ETV1: variants seen among roughly 807,000 people sequenced by gnomAD.
The protein encoded by ETV1 is ETS variant transcription factor 1.
In ETV1, 27 loss-of-function variants were observed where a neutral mutation model predicts 62.3. The observed-to-expected ratio is 0.43, with a 90% CI of 0.32 to 0.60. The LOEUF (loss-of-function observed/expected upper bound fraction) is 0.60, where lower values mean the gene tolerates loss of function less well. ETV1 is among the 20% of genes least tolerant of loss of function. The pLI, the probability that ETV1 is intolerant of heterozygous loss-of-function variation, is 0.06. For missense variants in ETV1, 605 were observed against 605.8 expected (o/e 1.00, Z 0.01); for synonymous variants, 222 against 199.6 (o/e 1.11, Z -0.94).
intron 6 of ETV1, among the ~76,000 whole-genome samples, chr7:13,973,165 A>G (rs1213056683): frequency 6.6e-6 from 1 of 152,216 alleles, no homozygotes; most frequent in East Asian, 1.9e-4. Context: ...TGCATGTTCT[A>G]TAATCCAGTA....
At chr7:13,979,448 T>A (rs1427744710) in intron 5 of ETV1, among the ~76,000 whole-genome samples, 1 of 150,008 alleles carries the variant, frequency 6.7e-6, no homozygotes, top group South Asian at 2.1e-4. Flanking sequence ...CAACATATTT[T>A]TTTGACACTG....
At chr7:13,923,389 C>T (rs1015362769) in intron 9 of ETV1, among the ~76,000 whole-genome samples, 8 of 152,118 alleles carry the variant, frequency 5.3e-5, no homozygotes, top group African/African-American at 1.9e-4. Flanking sequence ...ATAACATTTA[C>T]AATATAAAAA....
At chr7:13,921,365 A>G (rs1784828609) in intron 9 of ETV1, among the ~76,000 whole-genome samples, 1 of 152,218 alleles carries the variant, frequency 6.6e-6, no homozygotes, top group Admixed American at 6.5e-5. Context: ...GAAGCAATAT[A>G]TAAGCAATTA....
chr7:13,954,891 A>G (rs1404919137), intron 6 of ETV1, among the ~76,000 whole-genome samples: 1 of 152,216 alleles, frequency 6.6e-6, no homozygotes, highest in Non-Finnish European at 1.5e-5. Flanking sequence ...TTTGCCCAAA[A>G]AAAGAAAGCC....
chr7:13,911,168 T>A (rs1261070766), intron 10 of ETV1, 71 bp downstream of exon 10: 9 of 999,038 alleles, frequency 9.0e-6, no homozygotes, highest in Non-Finnish European at 9.4e-6. Context: ...ATTAATTAAA[T>A]GACGTCATAT....
chr7:13,958,355 C>A (rs896389375), intron 6 of ETV1, among the ~76,000 whole-genome samples: 3 of 152,160 alleles, frequency 2.0e-5, no homozygotes, highest in African/African-American at 7.2e-5. Context: ...TATCAAACTT[C>A]ATTCCCATTG....
rs1003334329 is a variant in ETV1 at position 13,986,496 on chromosome 7, G to C, written c.181+142C>G. 1.4e-5 allele frequency: 21 copies of C among 1,520,520 alleles called. No homozygotes were observed. In the African/African-American group the frequency reaches 2.3e-4, roughly 16 times the overall value. 94.2% of individuals were successfully genotyped at this position (1,520,520 alleles called of 1,614,324 possible). A position where few individuals can be genotyped will look rare whatever the true frequency, so the allele number is the denominator to read the frequency against. Reference sequence around the variant, plus strand: ...GTCCCCAAAGACAAACTCATCAGAGGCTCTAATGTATGCATGACACATGAG... The same window carrying C: ...GTCCCCAAAGACAAACTCATCAGAGCCTCTAATGTATGCATGACACATGAG... On this transcript the variant is annotated intron_variant, in intron 5 of 13. Coordinates refer to ENST00000430479, the MANE Select transcript of ETV1 (RefSeq NM_004956.5).
intron 6 of ETV1, among the ~76,000 whole-genome samples, chr7:13,976,502 T>C (rs1781469272): frequency 6.6e-6 from 1 of 152,180 alleles, no homozygotes; most frequent in Admixed American, 6.5e-5. Context: ...ACATAAATGC[T>C]GAAAACACTG....
intron 4 of ETV1, among the ~76,000 whole-genome samples, chr7:13,987,356 C>T (rs1321628978): frequency 6.6e-6 from 1 of 152,010 alleles, no homozygotes; most frequent in Non-Finnish European, 1.5e-5. Context: ...GAGGAAGTTT[C>T]AGAATTCAGT....
chr7:13,973,345 T>A (rs1781088261), intron 6 of ETV1, among the ~76,000 whole-genome samples: 4 of 152,190 alleles, frequency 2.6e-5, no homozygotes, highest in Admixed American at 2.6e-4. Context: ...ACAGAGGGGA[T>A]GCAGTTTCTT....
chr7:13,918,874 T>TAAAAAAA (rs370489670), intron 9 of ETV1, among the ~76,000 whole-genome samples: 1 of 141,672 alleles, frequency 7.1e-6, no homozygotes, highest in Admixed American at 7.0e-5. Flanking sequence ...TAAAGTATAA[T>TAAAAAAA]AAAAAAAAAA....
chr7:13,958,956 T>G (rs747298020), intron 6 of ETV1: 1 of 152,054 alleles, frequency 6.6e-6, no homozygotes, highest in Non-Finnish European at 1.5e-5. Context: ...AATATTTCAT[T>G]GAGTAGATTT....
intron 11 of ETV1, among the ~76,000 whole-genome samples, chr7:13,906,912 T>C (rs1421015473): frequency 1.3e-5 from 2 of 152,132 alleles, no homozygotes; most frequent in African/African-American, 4.8e-5. Context: ...TTGATTTCTT[T>C]AAAAACCATC....
At chr7:13,963,868 G>C (rs1790467681) in intron 6 of ETV1, among the ~76,000 whole-genome samples, 1 of 152,176 alleles carries the variant, frequency 6.6e-6, no homozygotes, top group African/African-American at 2.4e-5. Context: ...AAAATGGGAT[G>C]ACTGACGTTT....
At chr7:13,911,595 T>A (rs372566463) in intron 9 of ETV1, among the ~76,000 whole-genome samples, 1 of 152,304 alleles carries the variant, frequency 6.6e-6, no homozygotes, top group East Asian at 1.9e-4. Context: ...ATGAATGAGA[T>A]GGTGTCCTTG....
intron 9 of ETV1, among the ~76,000 whole-genome samples, chr7:13,917,430 G>A (rs559121808): frequency 4.6e-5 from 7 of 151,792 alleles, no homozygotes; most frequent in South Asian, 4.2e-4. Flanking sequence ...TGATTCTCCC[G>A]CCTCAGCCTC....
At chr7:13,986,782 T>G (rs932124970) in intron 4 of ETV1, 97 bp from the exon 5 acceptor site, 3 of 942,930 alleles carry the variant, frequency 3.2e-6, no homozygotes, top group African/African-American at 3.5e-5. Flanking sequence ...AAATATAAAT[T>G]TAATTTCAAG....
chr7:13,974,966 G>A (rs538960139), intron 6 of ETV1: 2 of 152,682 alleles, frequency 1.3e-5, no homozygotes, highest in South Asian at 4.1e-4. Context: ...GGGATCAGGT[G>A]AGGATGTCCA....
chr7:13,932,442 G>T (rs1305573693), intron 8 of ETV1, among the ~76,000 whole-genome samples: 1 of 152,158 alleles, frequency 6.6e-6, no homozygotes, highest in Non-Finnish European at 1.5e-5. Flanking sequence ...TTCAAATACA[G>T]TATCAGGTTG....
Sources: gnomAD v4.1 joint callset for allele counts (sites outside exome capture counted in the v4.1 genomes callset) on GRCh38, gnomAD v4.1.1 for gene constraint, MANE v1.5 for transcripts, NCBI Gene and HGNC (gene_info 2026-07-23, HGNC 2026-07-21) for gene names.